Variants in PIK3R5 observed in about 807,000 individuals in gnomAD.
PIK3R5 encodes the protein phosphoinositide 3-kinase regulatory subunit 5.
A neutral mutation model predicts 94.9 loss-of-function variants in PIK3R5; 32 were observed. That is an observed-to-expected ratio of 0.34 (90% CI 0.25 to 0.45). The LOEUF is 0.45. PIK3R5 is among the 20% of genes least tolerant of loss of function. The pLI is 1.00. For missense variants in PIK3R5, 853 were observed against 1,144.6 expected, an observed-to-expected ratio of 0.75 and a Z score of 3.68; for synonymous variants, 443 against 479.4, an observed-to-expected ratio of 0.92 and a Z score of 0.99.
chr17:8,915,016 C>T (rs999634677), intron 1 of PIK3R5, among the ~76,000 whole-genome samples: 3 of 152,252 alleles, frequency 2.0e-5, no homozygotes, highest in African/African-American at 4.8e-5. Flanking sequence ...AGGGTATAAA[C>T]CCAGGGGGTC....
intron 15 of PIK3R5, among the ~76,000 whole-genome samples, chr17:8,883,572 G>A (rs2089734360): frequency 6.6e-6 from 1 of 152,170 alleles, no homozygotes; most frequent in Admixed American, 6.5e-5. Context: ...TTCTGCTGCT[G>A]TGAGAGCACT....
In PIK3R5 at chr17:8,911,436, C is replaced by T; in HGVS notation, c.59G>A (p.Cys20Tyr). Residue 20 changes from cysteine to tyrosine, a missense_variant, in exon 2 of 19, where the codon TGC (cysteine) becomes TAC (tyrosine). Physicochemically the swap from Cys to Tyr is radical, Grantham distance 194. Coordinates refer to ENST00000447110, the MANE Select transcript of PIK3R5 (RefSeq NM_001142633.3). This position sits in a 1 kb window ranked among gnomAD's most constrained non-coding sequence, Gnocchi z 5.3. ...EDRIQHALER[C>Y]LHGLSLSRRS... ...GCGGCTGAGGCTGAGTCCATGCAGG[C>T]AGCGTTCCAGGGCATGCTGGATGCG... is the stretch of plus-strand genomic sequence containing the variant. 6.3e-7 allele frequency: 1 copy of T among 1,599,992 alleles called. No homozygotes were observed. The highest frequency in any genetic ancestry group is 8.5e-7 in the Non-Finnish European group (1 of 1,179,916).
chr17:8,942,196 C>T (rs150305698), intron 1 of PIK3R5, among the ~76,000 whole-genome samples: 319 of 152,238 alleles, frequency 2.1e-3, no homozygotes, highest in African/African-American at 7.4e-3. Context: ...AAGGGCAGAC[C>T]CTCGAGCTGG....
At chr17:8,948,537 C>A (rs2091318653) in intron 1 of PIK3R5, among the ~76,000 whole-genome samples, 2 of 152,074 alleles carry the variant, frequency 1.3e-5, no homozygotes. Flanking sequence ...AAGAGGGTGT[C>A]CAAATGGCCA....
At chr17:8,937,446 T>TA (rs1199987142) in intron 1 of PIK3R5, among the ~76,000 whole-genome samples, 1 of 152,218 alleles carries the variant, frequency 6.6e-6, no homozygotes, top group African/African-American at 2.4e-5. Flanking sequence ...ATTTTTATCA[T>TA]AAATGGGTAT....
intron 1 of PIK3R5, among the ~76,000 whole-genome samples, chr17:8,959,496 C>T (rs961187049): frequency 1.2e-4 from 19 of 152,286 alleles, no homozygotes; most frequent in Non-Finnish European, 2.2e-4. Context: ...GATGATCTTT[C>T]GCTTTCATCA....
Position 8,880,604 on chromosome 17 carries a change from C to A in PIK3R5, c.*35G>T. The stretch of plus-strand genomic sequence containing the variant: ...TGGAGGGGTGGCCGAGGAGGTTGCC[C>A]CAGGGCTTCTGTCCAGTCTGGCGCT... On this transcript the variant is annotated 3_prime_UTR_variant, in exon 19 of 19. Transcript: ENST00000447110. The A allele has an allele frequency of 6.4e-7, 1 of 1,562,122 alleles. No homozygotes were observed. The highest frequency in any genetic ancestry group is 8.7e-7 in the Non-Finnish European group (1 of 1,154,876).
At chr17:8,959,179 G>A (rs1007222215) in intron 1 of PIK3R5, among the ~76,000 whole-genome samples, 26 of 152,190 alleles carry the variant, frequency 1.7e-4, no homozygotes, top group Admixed American at 9.8e-4. Flanking sequence ...CCGCTTCAGG[G>A]TTCTCACCAG....
chr17:8,882,246 G>C lies in PIK3R5; in HGVS notation c.2206-365C>G, dbSNP rs924872338. ...ACCTGAACCCCCTCTTCAAGTCTTTGTGTGAATGTCTCTGTCATCAGGGAC... is the reference window on the plus strand; with the variant it reads ...ACCTGAACCCCCTCTTCAAGTCTTTCTGTGAATGTCTCTGTCATCAGGGAC... On this transcript the variant is annotated intron_variant, in intron 15 of 18. Transcript: ENST00000447110. The surrounding 1 kb of genome is among the most constrained non-coding windows in gnomAD (Gnocchi z 4.1). 1.6e-5 allele frequency: 4 copies of C among 252,232 alleles called. No individual in the cohort carries two copies. The highest frequency in any genetic ancestry group is 4.9e-5 in the Admixed American group (1 of 20,424). 15.6% of individuals were successfully genotyped at this position (252,232 alleles called of 1,614,324 possible).
intron 14 of PIK3R5, among the ~76,000 whole-genome samples, chr17:8,885,254 G>C (rs1383580093): frequency 2.4e-5 from 3 of 124,890 alleles, no homozygotes; most frequent in South Asian, 5.4e-4. Context: ...CCCGGTAACC[G>C]TGCCTCCCCA....
At chr17:8,921,911 G>GA (rs2090755943) in intron 1 of PIK3R5, among the ~76,000 whole-genome samples, 1 of 152,042 alleles carries the variant, frequency 6.6e-6, no homozygotes, top group East Asian at 1.9e-4. Flanking sequence ...GGCAACAAAA[G>GA]AAAAAATAGT....
At position 8,890,959 on chromosome 17, in the gene PIK3R5, GC is replaced by G; in HGVS notation, c.483-48del. On this transcript the variant is annotated intron_variant, in intron 6 of 18. Coordinates refer to ENST00000447110, the MANE Select transcript of PIK3R5 (RefSeq NM_001142633.3). This position sits in a 1 kb window ranked among gnomAD's most constrained non-coding sequence, Gnocchi z 6.1. ...TATGGCACCCAGGGGTGCGCAGCAT[GC>G]CACAGTGCAGCCACCCCCCTCGTGC... is the stretch of plus-strand genomic sequence containing the variant. 6.3e-7 allele frequency: 1 copy of G among 1,577,288 alleles called. No homozygotes were observed. Among genetic ancestry groups the G allele is most frequent in the Non-Finnish European group, 8.6e-7 (1 of 1,159,876 alleles).
At chr17:8,929,799 G>T (rs113106191) in intron 1 of PIK3R5, among the ~76,000 whole-genome samples, 2,649 of 152,002 alleles carry the variant, frequency 0.017, 75 homozygotes, top group African/African-American at 0.061. Flanking sequence ...ACGGACATTG[G>T]AGACTCAGAA....
At chr17:8,933,943 T>C (rs1004611060) in intron 1 of PIK3R5, among the ~76,000 whole-genome samples, 1 of 152,238 alleles carries the variant, frequency 6.6e-6, no homozygotes, top group Non-Finnish European at 1.5e-5. Flanking sequence ...AAGAGGGAAC[T>C]GCTCAAACTT....
rs760833856 is a variant in PIK3R5, at chr17:8,905,744, AGAG to A, written c.205-10_205-8del. ...AGGTGCCCTTCTCCTGGACCTGTGGAGAGGAGGAGAAGGGGAATGAGCCTCATT... is the reference window on the plus strand; with the variant it reads ...AGGTGCCCTTCTCCTGGACCTGTGGAGAGGAGAAGGGGAATGAGCCTCATT... On this transcript the variant is annotated splice_region_variant and splice_polypyrimidine_tract_variant and intron_variant, in intron 3 of 18. Coordinates refer to ENST00000447110, the MANE Select transcript of PIK3R5 (RefSeq NM_001142633.3). 1.7e-5 allele frequency: 27 copies of A among 1,586,734 alleles called. No homozygotes were observed. The highest frequency in any genetic ancestry group is 3.3e-4 in the Middle Eastern group (2 of 6,020).
rs762163469 is a variant in PIK3R5, at chr17:8,880,637, C to T, written c.*2G>A. 3.1e-6 allele frequency: 5 copies of T among 1,604,510 alleles called. No homozygotes were observed. In the African/African-American group the frequency reaches 4.0e-5, roughly 13 times the overall value. On this transcript the variant is annotated 3_prime_UTR_variant, in exon 19 of 19. Transcript: ENST00000447110. ...TCTGTCCAGTCTGGCGCTGGGCCCA[C>T]ACTAGGGCAGAGCTCCACTGAAAGT...
At position 8,893,818 on chromosome 17, in the gene PIK3R5, G is replaced by C. The variant is rs2090084775; in HGVS notation, c.413-163C>G. 11 of 588,766 alleles carry C rather than the reference G, an allele frequency of 1.9e-5. No individual in the cohort carries two copies. Among genetic ancestry groups the C allele is most frequent in the Non-Finnish European group, 3.4e-5 (11 of 325,018 alleles). 36.5% of individuals were successfully genotyped at this position (588,766 alleles called of 1,614,324 possible). ...TTCTGTGGACCCTCCAGGGTGCCTA[G>C]CAGTTTGCTTCTATGCGTCCTTTTA... On this transcript the variant is annotated intron_variant, in intron 5 of 18. Coordinates refer to ENST00000447110, the MANE Select transcript of PIK3R5 (RefSeq NM_001142633.3). This position sits in a 1 kb window ranked among gnomAD's most constrained non-coding sequence, Gnocchi z 5.1.
rs539576350 is a variant in PIK3R5, at chr17:8,882,039, A to T, written c.2206-158T>A. ...AGGGCCCCTGTACCACCCTGGATAG[A>T]CCTGGATGACTCCAGGGAAGAGCTC... On this transcript the variant is annotated intron_variant, in intron 15 of 18. Transcript: ENST00000447110. The surrounding 1 kb of genome is among the most constrained non-coding windows in gnomAD (Gnocchi z 4.1). 1.6e-6 allele frequency: 1 copy of T among 628,744 alleles called. No homozygotes were observed. The highest frequency in any genetic ancestry group is 2.6e-5 in the Admixed American group (1 of 38,390). The allele number at this position is 628,744 out of a possible 1,614,324, so 38.9% of individuals were successfully genotyped here.
At position 8,888,858 on chromosome 17, in the gene PIK3R5, T is replaced by C; in HGVS notation, c.929A>G (p.Glu310Gly). The change falls in exon 10 of 19, where the codon GAG becomes GGG. Residue 310 changes from glutamate (E) to glycine (G), a missense_variant. Physicochemically the swap from Glu to Gly is moderately conservative, Grantham distance 98. This residue lies in a region of PIK3R5 where 161 missense variants were observed against 249.5 expected (regional missense o/e 0.65). Transcript: ENST00000447110. The surrounding 1 kb of genome is among the most constrained non-coding windows in gnomAD (Gnocchi z 7.8). ...TCCCAGGATCCCTGGCTGGAGTAGC[T>C]CCTGTTCCTTGAGCAGGATTTCCTG... ...ILQEILLKEQ[E>G]LLQPGILGDD... 1 of 1,604,098 alleles carries C rather than the reference T, an allele frequency of 6.2e-7. No homozygotes were observed.
Sources: gnomAD v4.1 joint callset for allele counts (sites outside exome capture counted in the v4.1 genomes callset) on GRCh38, gnomAD v4.1.1 for gene constraint, gnomAD v4.1.1 regional missense constraint, Gnocchi (gnomAD v3.1) non-coding constraint, MANE v1.5 for transcripts, NCBI Gene and HGNC (gene_info 2026-07-23, HGNC 2026-07-21) for gene names.